SH3TC2: variants seen among roughly 807,000 people sequenced by gnomAD.
SH3TC2 encodes the protein SH3 domain and tetratricopeptide repeat-containing protein 2.
SH3TC2 carries 87 observed loss-of-function variants against 124.5 expected under a neutral mutation model. The observed-to-expected ratio is 0.70, with a 90% CI of 0.59 to 0.84. The LOEUF is 0.84. Among genes scored for constraint, SH3TC2 ranks in the 40% least tolerant of loss-of-function variants. The pLI, the probability that SH3TC2 is intolerant of heterozygous loss-of-function variation, is 0.00. For missense variants in SH3TC2, 1,536 were observed against 1,566.4 expected (o/e 0.98, Z 0.33); for synonymous variants, 634 against 628.5 (o/e 1.01, Z -0.13).
Position 149,026,697 on chromosome 5 carries a change from G to A in SH3TC2, c.2928C>T (p.Asn976=). Residue 976 remains asparagine (N), a synonymous_variant, in exon 12 of 17, where the codon AAC becomes AAT. Transcript: ENST00000515425. ...LCHFYSSVSP[N]PEACITYHEH... is the part of the protein sequence containing the mutation. ...CATGGTAGGTGATGCATGCCTCAGG[G>A]TTTGGGGACACAGAGCTGTAGAAAT... 5 of 1,614,224 alleles carry A rather than the reference G, an allele frequency of 3.1e-6. No individual in the cohort carries two copies. The highest frequency in any genetic ancestry group is 4.2e-6 in the Non-Finnish European group (5 of 1,180,044).
chr5:149,033,072 T>A (rs752449557), intron 8 of SH3TC2, among the ~76,000 whole-genome samples: 3 of 152,220 alleles, frequency 2.0e-5, no homozygotes, highest in Non-Finnish European at 4.4e-5. Flanking sequence ...GTTTTTTTAA[T>A]CCATGTTTGT....
rs139720866 is a variant in SH3TC2, at chr5:148,993,944, C to T, written c.*10767G>A. On this transcript the variant is annotated 3_prime_UTR_variant, in exon 17 of 17. Transcript: ENST00000515425. ...GCCAGGCACTTTACATATATTCACA[C>T]ATTTGATCCACACAACAATCCCATG... Among the ~76,000 whole-genome samples the T allele has an allele frequency of 0.012, 1,808 of 152,234 alleles. 17 individuals carry two copies. Among genetic ancestry groups the T allele is most frequent in the Middle Eastern group, 0.024 (7 of 294 alleles).
At chr5:149,034,704 A>G (rs1029971418) in intron 8 of SH3TC2, among the ~76,000 whole-genome samples, 1 of 152,174 alleles carries the variant, frequency 6.6e-6, no homozygotes, top group African/African-American at 2.4e-5. Flanking sequence ...TAATGAAATA[A>G]AAACAAAGAA....
rs1014977853 is a variant in SH3TC2, at chr5:148,996,192, C to T, written c.*8519G>A. Among the ~76,000 whole-genome samples the T allele has an allele frequency of 1.4e-4, 21 of 151,982 alleles. No homozygotes were observed. The highest frequency in any genetic ancestry group is 4.3e-4 in the African/African-American group (18 of 41,448). ...ACCCAAGCACCTGAGTCTAGAAGGT[C>T]GAGGTAGCAGTGAACCATGGCCACC... On this transcript the variant is annotated 3_prime_UTR_variant, in exon 17 of 17. Transcript: ENST00000515425.
chr5:148,982,656 T>A lies in SH3TC2; in HGVS notation c.*22055A>T, dbSNP rs886224543. On this transcript the variant is annotated 3_prime_UTR_variant, in exon 17 of 17. Transcript: ENST00000515425. ...AAGGTACAAAGCAGAGTGTATAGTA[T>A]GCTATAATATTTAAAATGGCGGGAG... Among the ~76,000 whole-genome samples, 1 of 152,320 alleles carries A rather than the reference T, an allele frequency of 6.6e-6. No homozygotes were observed. Among genetic ancestry groups the A allele is most frequent in the East Asian group, 1.9e-4 (1 of 5,190 alleles).
At position 148,998,954 on chromosome 5, in the gene SH3TC2, A is replaced by G. The variant is rs1051593629; in HGVS notation, c.*5757T>C. ...GTAGCAAAGAGCACCCCTAACATAC[A>G]CACCCTCCCGCTTAACGGTGTGGGA... On this transcript the variant is annotated 3_prime_UTR_variant, in exon 17 of 17. Transcript: ENST00000515425. 6.6e-6 allele frequency among the ~76,000 whole-genome samples: 1 copy of G among 152,026 alleles called. No homozygotes were observed. Among genetic ancestry groups the G allele is most frequent in the Non-Finnish European group, 1.5e-5 (1 of 68,000 alleles).
In SH3TC2 at chr5:149,001,044, T is replaced by A. The variant is rs1325417494; in HGVS notation, c.*3667A>T. 6.6e-6 allele frequency among the ~76,000 whole-genome samples: 1 copy of A among 152,002 alleles called. No individual in the cohort carries two copies. The highest frequency in any genetic ancestry group is 1.5e-5 in the Non-Finnish European group (1 of 68,000). ...ATCAAAATCAAGACCAAAATACAGG[T>A]TCCCTTTAGTGATAGGCTTCCTGAT... On this transcript the variant is annotated 3_prime_UTR_variant, in exon 17 of 17. Transcript: ENST00000515425.
Position 149,026,739 on chromosome 5 carries a change from G to A in SH3TC2, c.2886C>T (p.Ala962=), listed in dbSNP as rs773442808. 1 of 1,614,072 alleles carries A rather than the reference G, an allele frequency of 6.2e-7. No homozygotes were observed. The highest frequency in any genetic ancestry group is 1.3e-5 in the African/African-American group (1 of 74,918). ...RHRHLKSQLQ[A]TKSLCHFYSS... ...TGTAGAAATGGCAGAGGGATTTGGT[G>A]GCCTGAAGCTGACCTGAACACAAAG... Residue 962 remains alanine (A), a synonymous_variant, in exon 12 of 17, where the codon GCC becomes GCT. Coordinates refer to ENST00000515425, the MANE Select transcript of SH3TC2 (RefSeq NM_024577.4).
At chr5:149,061,284 T>C (rs927168882) in intron 1 of SH3TC2, among the ~76,000 whole-genome samples, 8 of 152,212 alleles carry the variant, frequency 5.3e-5, no homozygotes, top group African/African-American at 1.9e-4. Flanking sequence ...AGGAAATCTT[T>C]GGCTGAAGGA....
chr5:149,010,766 G>A (rs944414312), intron 13 of SH3TC2, among the ~76,000 whole-genome samples: 1 of 152,088 alleles, frequency 6.6e-6, no homozygotes, highest in Non-Finnish European at 1.5e-5. Context: ...AAAAAGCTAC[G>A]TTGATTTGAT....
Position 148,982,557 on chromosome 5 carries a change from C to G in SH3TC2, c.*22154G>C, listed in dbSNP as rs1753267847. On this transcript the variant is annotated 3_prime_UTR_variant, in exon 17 of 17. Transcript: ENST00000515425. ...CATCATGCAAGGAGATACTTTACAG[C>G]TGTAAAAATGAATGAGGATACTGTT... Among the ~76,000 whole-genome samples the G allele has an allele frequency of 6.6e-6, 1 of 152,148 alleles. No homozygotes were observed. The highest frequency in any genetic ancestry group is 2.1e-4 in the South Asian group (1 of 4,828).
rs1303178563 is a variant in SH3TC2 at position 149,004,480 on chromosome 5, G to A, written c.*231C>T. 9 of 560,648 alleles carry A rather than the reference G, an allele frequency of 1.6e-5. No homozygotes were observed. The highest frequency in any genetic ancestry group is 1.2e-4 in the East Asian group (4 of 34,080). 34.7% of individuals were successfully genotyped at this position (560,648 alleles called of 1,614,324 possible). ...TTTGTGTGGAAGGCAACAGTCAACC[G>A]GTAAAGGCTCCAGATGCAAAGCCTG... On this transcript the variant is annotated 3_prime_UTR_variant, in exon 17 of 17. Transcript: ENST00000515425.
At position 149,026,952 on chromosome 5, in the gene SH3TC2, G is replaced by A. The variant is rs1754076016; in HGVS notation, c.2780C>T (p.Ala927Val). 1 of 1,614,160 alleles carries A rather than the reference G, an allele frequency of 6.2e-7. No individual in the cohort carries two copies. The highest frequency in any genetic ancestry group is 8.5e-7 in the Non-Finnish European group (1 of 1,180,042). The change falls in exon 11 of 17, where the codon GCC becomes GTC. Residue 927 changes from alanine to valine, a missense_variant. Physicochemically the swap from Ala to Val is moderately conservative, Grantham distance 64 (BLOSUM62 0). This residue lies in a region of SH3TC2 where 426 missense variants were observed against 443.5 expected (regional missense o/e 0.96). Coordinates refer to ENST00000515425, the MANE Select transcript of SH3TC2 (RefSeq NM_024577.4). ...MELVQVFLWLAQVLVSGHQLT... is the reference protein window; with the variant it reads ...MELVQVFLWLVQVLVSGHQLT... ...CTGGTGTCCAGACACCAGAACTTGGGCCAACCAGAGAAACACCTGTACTAA... is the reference window on the plus strand; with the variant it reads ...CTGGTGTCCAGACACCAGAACTTGGACCAACCAGAGAAACACCTGTACTAA...
At position 149,028,250 on chromosome 5, in the gene SH3TC2, G is replaced by A. The variant is rs200665714; in HGVS notation, c.1482C>T (p.Leu494=). 5.6e-4 allele frequency: 898 copies of A among 1,614,028 alleles called. 3 individuals are homozygous for A. The highest frequency in any genetic ancestry group is 1.3e-3 in the Middle Eastern group (8 of 6,062). Residue 494 remains leucine (L), a synonymous_variant, in exon 11 of 17, where the codon CTC becomes CTT. Transcript: ENST00000515425. ...CAGAGAAGCTATAAAAGGAAGAAGT[G>A]AGGAAAGAGAAGGAGAAGTCATAGA... is the stretch of plus-strand genomic sequence containing the variant. ...KSLYDFSFSF[L]TSSFYSFSEE...
In SH3TC2 at chr5:148,982,773, A is replaced by G. The variant is rs1045259274; in HGVS notation, c.*21938T>C. Among the ~76,000 whole-genome samples the G allele has an allele frequency of 6.6e-6, 1 of 152,204 alleles. No homozygotes were observed. ...TTTAAATGTGGCCTATGGTAGGGAA[A>G]TGGGGGCATGCTATTCCTTGTTTAA... On this transcript the variant is annotated 3_prime_UTR_variant, in exon 17 of 17. Transcript: ENST00000515425.
Position 148,998,096 on chromosome 5 carries a change from T to G in SH3TC2, c.*6615A>C, listed in dbSNP as rs1270565561. ...AAATTCATTTGGTGAGTCATAAATT[T>G]GATATTTTTTAACTAGAATAGAATG... is the stretch of plus-strand genomic sequence containing the variant. On this transcript the variant is annotated 3_prime_UTR_variant, in exon 17 of 17. Transcript: ENST00000515425. Among the ~76,000 whole-genome samples, 1 of 152,164 alleles carries G rather than the reference T, an allele frequency of 6.6e-6. No homozygotes were observed. The highest frequency in any genetic ancestry group is 1.5e-5 in the Non-Finnish European group (1 of 68,022).
At position 149,027,806 on chromosome 5, in the gene SH3TC2, C is replaced by A. The variant is rs1754099203; in HGVS notation, c.1926G>T (p.Leu642Phe). 6.2e-7 allele frequency: 1 copy of A among 1,613,950 alleles called. No homozygotes were observed. The highest frequency in any genetic ancestry group is 8.5e-7 in the Non-Finnish European group (1 of 1,180,022). ...EARACFLAIR[L>F]LLSLGRHEEV... ...CCTCGTGCCGGCCTAGGCTCAGGAG[C>A]AAGCGGATGGCCAGAAAGCAGGCCC... is the stretch of plus-strand genomic sequence containing the variant. Residue 642 changes from leucine (L) to phenylalanine (F), a missense_variant, in exon 11 of 17, where the codon TTG becomes TTT. Coordinates refer to ENST00000515425, the MANE Select transcript of SH3TC2 (RefSeq NM_024577.4).
chr5:149,007,008 T>A lies in SH3TC2; in HGVS notation c.3548A>T (p.Glu1183Val). The change falls in exon 16 of 17, where the codon GAG (glutamate) becomes GTG (valine). Residue 1183 changes from glutamate (E) to valine (V), a missense_variant. Around this residue, in one of 3 missense-constraint regions of SH3TC2, gnomAD observed 426 missense variants for 443.5 expected, o/e 0.96. Coordinates refer to ENST00000515425, the MANE Select transcript of SH3TC2 (RefSeq NM_024577.4). ...ATVYYSLHMYEMAEDCYLKTL... is the reference protein window; with the variant it reads ...ATVYYSLHMYVMAEDCYLKTL... ...CTTCAGGTAGCAGTCCTCAGCCATC[T>A]CATACATGTGCAGGGAGTAGTACAC... The A allele has an allele frequency of 6.2e-7, 1 of 1,614,214 alleles. No homozygotes were observed. Among genetic ancestry groups the A allele is most frequent in the Non-Finnish European group, 8.5e-7 (1 of 1,180,034 alleles).
intron 12 of SH3TC2, among the ~76,000 whole-genome samples, chr5:149,014,187 T>G (rs1263505633): frequency 6.6e-6 from 1 of 152,164 alleles, no homozygotes; most frequent in African/African-American, 2.4e-5. Flanking sequence ...CATCAGCATT[T>G]CATAGGGAGC....
Sources: gnomAD v4.1 joint callset for allele counts (sites outside exome capture counted in the v4.1 genomes callset) on GRCh38, gnomAD v4.1.1 for gene constraint, gnomAD v4.1.1 regional missense constraint, MANE v1.5 for transcripts, NCBI Gene and HGNC (gene_info 2026-07-23, HGNC 2026-07-21) for gene names.